SHISA9: variants seen among roughly 807,000 people sequenced by gnomAD.
SHISA9 encodes protein shisa-9.
Under a neutral mutation model 38.0 loss-of-function variants are expected in SHISA9, and 13 were observed. That is an observed-to-expected ratio of 0.34 (90% CI 0.22 to 0.54). The LOEUF (loss-of-function observed/expected upper bound fraction) is 0.54. SHISA9 is among the 20% of genes least tolerant of loss of function. The probability of loss-of-function intolerance (pLI) is 0.91; values close to 1 mark genes in which losing one functional copy is unlikely to be tolerated. For missense variants in SHISA9, 538 were observed against 575.8 expected (o/e 0.93, Z 0.67); for synonymous variants, 275 against 242.0 (o/e 1.14, Z -1.27).
At chr16:12,930,752 A>G (rs1230581825) in intron 2 of SHISA9, among the ~76,000 whole-genome samples, 1 of 152,236 alleles carries the variant, frequency 6.6e-6, no homozygotes, top group Non-Finnish European at 1.5e-5. Context: ...GTGCATTGCC[A>G]AACAGACTAT....
At chr16:13,424,281 T>G in the SHISA9 span, among the ~76,000 whole-genome samples, 1 of 152,254 alleles carries the variant, frequency 6.6e-6, no homozygotes, top group African/African-American at 2.4e-5. Flanking sequence ...AAAAAGCAAC[T>G]GATAAATGAA....
At chr16:13,265,829 AAC>A in the SHISA9 span, among the ~76,000 whole-genome samples, 7 of 152,194 alleles carry the variant, frequency 4.6e-5, no homozygotes, top group Non-Finnish European at 1.0e-4. Context: ...GGAAAAAAAA[AAC>A]AAGAATCTCT....
chr16:13,356,976 G>A, the SHISA9 span, among the ~76,000 whole-genome samples: 4 of 152,142 alleles, frequency 2.6e-5, no homozygotes, highest in African/African-American at 9.7e-5. Context: ...GAGTTGAAGA[G>A]GTTTTAAGTT....
At position 13,028,003 on chromosome 16, in the gene SHISA9, T is replaced by C. The variant is rs1004739406; in HGVS notation, c.691+111188T>C. Among the ~76,000 whole-genome samples the C allele has an allele frequency of 6.0e-4, 91 of 151,156 alleles. 2 individuals carry two copies. Among genetic ancestry groups the C allele is most frequent in the Admixed American group, 5.9e-3 (90 of 15,176 alleles). The stretch of plus-strand genomic sequence containing the variant: ...GCACTAAAAAGTGTATATTGTATGA[T>C]TCTATTTATATGAGATTCTGAAAAG... On this transcript the variant is annotated intron_variant, in intron 2 of 4. Coordinates refer to ENST00000558583, the MANE Select transcript of SHISA9 (RefSeq NM_001145204.3).
At chr16:13,280,089 T>C in the SHISA9 span, among the ~76,000 whole-genome samples, 3 of 151,180 alleles carry the variant, frequency 2.0e-5, no homozygotes, top group African/African-American at 7.3e-5. Flanking sequence ...TTTCTGATAT[T>C]AGTAATTTGT....
At chr16:13,308,875 C>G in the SHISA9 span, among the ~76,000 whole-genome samples, 2 of 152,052 alleles carry the variant, frequency 1.3e-5, no homozygotes, top group African/African-American at 2.4e-5. Context: ...GGCACAGGAG[C>G]CTCCATAAAG....
chr16:13,550,243 C>T, the SHISA9 span, among the ~76,000 whole-genome samples: 1 of 152,008 alleles, frequency 6.6e-6, no homozygotes, highest in African/African-American at 2.4e-5. Context: ...ATTTTAAGCT[C>T]CGTGAAGACC....
At chr16:13,407,127 C>T in the SHISA9 span, among the ~76,000 whole-genome samples, 2 of 139,678 alleles carry the variant, frequency 1.4e-5, no homozygotes, top group Admixed American at 1.4e-4. Context: ...CTAGTCTATT[C>T]AAACTACCAC....
At chr16:12,913,351 C>A (rs778192705) in intron 1 of SHISA9, among the ~76,000 whole-genome samples, 3 of 152,062 alleles carry the variant, frequency 2.0e-5, no homozygotes, top group Non-Finnish European at 2.9e-5. Flanking sequence ...TGCCCACCAC[C>A]ACGCCCAGCT....
At chr16:12,997,401 C>T (rs529778739) in intron 2 of SHISA9, among the ~76,000 whole-genome samples, 3 of 147,066 alleles carry the variant, frequency 2.0e-5, no homozygotes, top group South Asian at 2.1e-4. Flanking sequence ...CCAGTTTAGG[C>T]TTAACCTAGT....
the SHISA9 span, among the ~76,000 whole-genome samples, chr16:13,499,442 A>G: frequency 1.3e-5 from 2 of 152,198 alleles, no homozygotes; most frequent in Admixed American, 6.5e-5. Context: ...GCATGTAACA[A>G]AAATAGTATG....
At chr16:13,020,665 T>A (rs2072841206) in intron 2 of SHISA9, among the ~76,000 whole-genome samples, 1 of 152,220 alleles carries the variant, frequency 6.6e-6, no homozygotes. Context: ...CATAATAATA[T>A]GGCACTCAAG....
At chr16:13,117,701 C>T (rs2074044419) in intron 2 of SHISA9, among the ~76,000 whole-genome samples, 1 of 152,156 alleles carries the variant, frequency 6.6e-6, no homozygotes, top group East Asian at 1.9e-4. Flanking sequence ...AGGGGCATGG[C>T]CCTGCCAACA....
chr16:13,562,843 T>C, the SHISA9 span: 1 of 151,922 alleles, frequency 6.6e-6, no homozygotes, highest in Non-Finnish European at 1.5e-5. Context: ...CTTGGTTTCT[T>C]ATTAATATAC....
At chr16:13,266,955 A>C in the SHISA9 span, among the ~76,000 whole-genome samples, 1 of 152,254 alleles carries the variant, frequency 6.6e-6, no homozygotes, top group Non-Finnish European at 1.5e-5. Context: ...TGCCTTCTAG[A>C]TAAAGCCAAC....
intron 1 of SHISA9, among the ~76,000 whole-genome samples, chr16:12,907,156 T>C (rs1475143936): frequency 1.1e-5 from 1 of 93,614 alleles, no homozygotes; most frequent in Non-Finnish European, 2.0e-5. Flanking sequence ...CCTCCCTCCC[T>C]CCTTCCCTCC....
At chr16:13,412,340 A>T in the SHISA9 span, among the ~76,000 whole-genome samples, 6 of 152,272 alleles carry the variant, frequency 3.9e-5, no homozygotes, top group Non-Finnish European at 7.3e-5. Flanking sequence ...GAAAATAGGG[A>T]TGTTAGAGAC....
chr16:13,401,707 A>G, the SHISA9 span, among the ~76,000 whole-genome samples: 1 of 152,248 alleles, frequency 6.6e-6, no homozygotes, highest in Admixed American at 6.5e-5. Context: ...ATTGTCTGGC[A>G]TCTGGATCTT....
At chr16:13,268,202 G>A in the SHISA9 span, among the ~76,000 whole-genome samples, 1 of 152,106 alleles carries the variant, frequency 6.6e-6, no homozygotes, top group African/African-American at 2.4e-5. Context: ...ATGCTGAGAT[G>A]AATAAACCAT....
Sources: gnomAD v4.1 joint callset for allele counts (sites outside exome capture counted in the v4.1 genomes callset) on GRCh38, gnomAD v4.1.1 for gene constraint, MANE v1.5 for transcripts, NCBI Gene and HGNC (gene_info 2026-07-23, HGNC 2026-07-21) for gene names.